GPC4: variants seen among roughly 807,000 people sequenced by gnomAD.
GPC4 encodes the protein glypican 4.
GPC4 carries 10 observed loss-of-function variants against 35.0 expected under a neutral mutation model. The ratio of observed to expected loss-of-function variants is 0.29; its 90% CI spans 0.18 to 0.48. GPC4 has a LOEUF of 0.48. GPC4 is among the 20% of genes least tolerant of loss of function. GPC4 has a pLI of 0.99. For missense variants in GPC4, 322 were observed against 451.3 expected, an observed-to-expected ratio of 0.71 and a Z score of 2.60; for synonymous variants, 167 against 170.2, an observed-to-expected ratio of 0.98 and a Z score of 0.15.
At chrX:133,314,474 T>C (rs1182844814) in intron 3 of GPC4, among the ~76,000 whole-genome samples, 1 of 111,569 alleles carries the variant, frequency 9.0e-6, no homozygotes, top group African/African-American at 3.3e-5. Flanking sequence ...GGCAGAGTTC[T>C]TCCATTTCAT....
intron 1 of GPC4, among the ~76,000 whole-genome samples, chrX:133,371,280 C>T (rs779167685): frequency 6.0e-4 from 68 of 112,461 alleles, no homozygotes; most frequent in African/African-American, 2.1e-3. Flanking sequence ...AAAATCTCTT[C>T]CCAGAGTTTG....
At chrX:133,347,401 G>C (rs1484402824) in intron 1 of GPC4, among the ~76,000 whole-genome samples, 1 of 108,869 alleles carries the variant, frequency 9.2e-6, no homozygotes, top group African/African-American at 3.3e-5. Context: ...TTGGGGAGCT[G>C]TATTAAGCTA....
chrX:133,414,371 C>T, intron 1 of GPC4: 1 of 482,677 alleles, frequency 2.1e-6, no homozygotes, highest in Non-Finnish European at 2.5e-6. Flanking sequence ...GCGACCCCCA[C>T]CCCCACCCGG....
chrX:133,410,025 A>G (rs1183736269), intron 1 of GPC4, among the ~76,000 whole-genome samples: 2 of 97,310 alleles, frequency 2.1e-5, no homozygotes, highest in Non-Finnish European at 4.0e-5. Flanking sequence ...CATTGGCTCA[A>G]TTGTATTGTC....
Position 133,339,189 on chromosome X carries a change from A to G in GPC4, c.313T>C (p.Phe105Leu). 8.3e-7 allele frequency: 1 copy of G among 1,210,722 alleles called. No individual in the cohort carries two copies. Among genetic ancestry groups the G allele is most frequent in the Non-Finnish European group, 1.1e-6 (1 of 895,076 alleles). ...TATGACTTGAATAACATACCATCAA[A>G]CTTCTTGTAACGTGAAGCAAAGACA... ...QAVFASRYKK[F>L]DEFFKELLEN... The change falls in exon 2 of 9, where the codon TTT becomes CTT. Residue 105 changes from phenylalanine (F) to leucine (L), a missense_variant. Phe to Leu is a conservative substitution (Grantham distance 22). Coordinates refer to ENST00000370828, the MANE Select transcript of GPC4 (RefSeq NM_001448.3).
At chrX:133,316,958 A>AT (rs2068341520) in intron 3 of GPC4, among the ~76,000 whole-genome samples, 1 of 112,380 alleles carries the variant, frequency 8.9e-6, no homozygotes, top group African/African-American at 3.2e-5. Flanking sequence ...CGTAATGTGC[A>AT]TAAAAATAAA....
Position 133,324,345 on chromosome X carries a change from G to C in GPC4, c.511C>G (p.Arg171Gly), listed in dbSNP as rs1380870225. Residue 171 changes from arginine to glycine, a missense_variant, in exon 3 of 9, where the codon CGG becomes GGG. Arg to Gly is a moderately radical substitution (Grantham distance 125). This residue lies in a region of GPC4 where 163 missense variants were observed against 277.2 expected (regional missense o/e 0.59). Coordinates refer to ENST00000370828, the MANE Select transcript of GPC4 (RefSeq NM_001448.3). The part of the protein sequence containing the change: ...LNDFWARLLE[R>G]MFRLVNSQYH... ...TGGGAGTTCACCAGGCGGAACATCC[G>C]CTCCAGGAGGCGAGCCCAGAAGTCA... 1 of 1,208,980 alleles carries C rather than the reference G, an allele frequency of 8.3e-7. No homozygotes were observed. The highest frequency in any genetic ancestry group is 1.1e-6 in the Non-Finnish European group (1 of 894,798).
intron 1 of GPC4, among the ~76,000 whole-genome samples, chrX:133,395,023 C>T (rs1348078533): frequency 9.0e-6 from 1 of 111,624 alleles, no homozygotes; most frequent in Non-Finnish European, 1.9e-5. Flanking sequence ...ACAAAAAATG[C>T]ATAACCAGTT....
At chrX:133,324,021 G>A (rs1603064109) in intron 3 of GPC4, 124 bp downstream of exon 3, 1 of 678,161 alleles carries the variant, frequency 1.5e-6, no homozygotes, top group Middle Eastern at 4.4e-4. Flanking sequence ...GGTAAGAGAG[G>A]AAGAAAAGGC....
intron 2 of GPC4, among the ~76,000 whole-genome samples, chrX:133,337,969 C>G (rs1459226987): frequency 1.8e-5 from 2 of 109,442 alleles, no homozygotes; most frequent in Non-Finnish European, 3.8e-5. Flanking sequence ...TTGCACATAG[C>G]GTGTTTGAAA....
chrX:133,312,912 T>C (rs2068322607), intron 3 of GPC4, among the ~76,000 whole-genome samples: 2 of 111,538 alleles, frequency 1.8e-5, no homozygotes, highest in South Asian at 3.8e-4. Flanking sequence ...TCCGGTCACT[T>C]GTTTTCCTCA....
intron 3 of GPC4, among the ~76,000 whole-genome samples, chrX:133,318,184 A>G (rs2068347424): frequency 8.9e-6 from 1 of 111,917 alleles, no homozygotes; most frequent in African/African-American, 3.2e-5. Context: ...CCTCTTTGCA[A>G]TTCTAGATTT....
chrX:133,353,241 C>T (rs1439910993), intron 1 of GPC4, among the ~76,000 whole-genome samples: 1 of 111,814 alleles, frequency 8.9e-6, no homozygotes, highest in Non-Finnish European at 1.9e-5. Context: ...CTGCATCTTA[C>T]CATTTTTGCT....
At chrX:133,407,500 T>C (rs775789512) in intron 1 of GPC4, among the ~76,000 whole-genome samples, 1 of 112,207 alleles carries the variant, frequency 8.9e-6, no homozygotes, top group South Asian at 3.8e-4. Context: ...GATGTATGTC[T>C]GCTTCCCTGT....
rs777795816 is a variant in GPC4 at position 133,304,788 on chromosome X, T to C, written c.1229A>G (p.Asp410Gly). The C allele has an allele frequency of 2.5e-6, 3 of 1,209,817 alleles. No homozygotes were observed. The highest frequency in any genetic ancestry group is 3.4e-6 in the Non-Finnish European group (3 of 894,973). ...WSSLPSNVCN[D>G]ERMAAGNGNE... is the part of the protein sequence containing the mutation. ...GCCGTTTCCTGCAGCCATCCTCTCA[T>C]CGTTGCAAACGTTGCTCGGAAGGGA... Residue 410 changes from aspartate (D) to glycine (G), a missense_variant, in exon 7 of 9, where the codon GAT becomes GGT. Asp to Gly is a moderately conservative substitution (Grantham distance 94). Transcript: ENST00000370828.
chrX:133,402,031 T>C (rs2068769298), intron 1 of GPC4, among the ~76,000 whole-genome samples: 1 of 112,166 alleles, frequency 8.9e-6, no homozygotes, highest in Non-Finnish European at 1.9e-5. Context: ...TAGATAATAA[T>C]TTGACTATAA....
rs764208415 is a variant in GPC4, at chrX:133,405,712, A to C, written c.160+9094T>G. Among the ~76,000 whole-genome samples the C allele has an allele frequency of 8.0e-5, 9 of 111,934 alleles. No individual in the cohort carries two copies. In the South Asian group the frequency reaches 3.4e-3, roughly 42 times the overall value. Reference sequence around the variant, plus strand: ...CCAACCAATACCATTTGCTACTTCTAATCTGCCATAGACTGGGAAACTGGA... The same window carrying C: ...CCAACCAATACCATTTGCTACTTCTCATCTGCCATAGACTGGGAAACTGGA... On this transcript the variant is annotated intron_variant, in intron 1 of 8. Transcript: ENST00000370828.
intron 3 of GPC4, among the ~76,000 whole-genome samples, chrX:133,315,068 G>A (rs1437951183): frequency 1.8e-5 from 2 of 108,701 alleles, no homozygotes; most frequent in Non-Finnish European, 3.8e-5. Flanking sequence ...CACATGTTGA[G>A]TAGCCTTTAT....
intron 1 of GPC4, among the ~76,000 whole-genome samples, chrX:133,400,862 G>A (rs749984903): frequency 1.0e-5 from 1 of 96,809 alleles, no homozygotes; most frequent in East Asian, 3.6e-4. Flanking sequence ...GAAGAAGAAA[G>A]CAGAGAGGAA....
Sources: gnomAD v4.1 joint callset for allele counts (sites outside exome capture counted in the v4.1 genomes callset) on GRCh38, gnomAD v4.1.1 for gene constraint, gnomAD v4.1.1 regional missense constraint, MANE v1.5 for transcripts, NCBI Gene and HGNC (gene_info 2026-07-23, HGNC 2026-07-21) for gene names.